Variants in NBPF14 observed in about 807,000 individuals in gnomAD.
NBPF14 encodes the protein NBPF member 14.
A neutral mutation model predicts 91.2 loss-of-function variants in NBPF14; 104 were observed. The observed-to-expected ratio is 1.14, with a 90% CI of 0.97 to 1.34. The LOEUF is 1.34. Among genes scored for constraint, NBPF14 ranks in the 40% most tolerant of loss-of-function variants. NBPF14 has a pLI of 0.00. For missense variants in NBPF14, 908 were observed against 783.0 expected (o/e 1.16, Z -1.91); for synonymous variants, 294 against 303.8 (o/e 0.97, Z 0.34).
exon 71 of NBPF14, chr1:148,532,370 G>A (rs1419161358): frequency 6.7e-5 from 11 of 165,114 alleles, no homozygotes; most frequent in Non-Finnish European, 1.2e-4. Context: ...ATGGAATAGA[G>A]AGGAGCAGGG....
chr1:148,533,547 T>C (rs1350785084), intron 70 of NBPF14, among the ~76,000 whole-genome samples: 1 of 150,020 alleles, frequency 6.7e-6, no homozygotes, highest in Non-Finnish European at 1.5e-5. Flanking sequence ...GTTAGTGCCC[T>C]CATGACACAC....
At chr1:148,555,430 G>GA (rs1656564822) in intron 42 of NBPF14, among the ~76,000 whole-genome samples, 178 bp from the exon 43 acceptor site, 1 of 89,282 alleles carries the variant, frequency 1.1e-5, no homozygotes, top group African/African-American at 3.0e-5. Context: ...AGAAAACAAT[G>GA]AAAGAGAAAG....
intron 9 of NBPF14, among the ~76,000 whole-genome samples, chr1:148,585,434 T>A (rs1285195046): frequency 6.6e-6 from 1 of 151,844 alleles, no homozygotes; most frequent in African/African-American, 2.4e-5. Flanking sequence ...GGCCAAATAT[T>A]GAAAAGACCT....
intron 11 of NBPF14, among the ~76,000 whole-genome samples, chr1:148,584,185 G>A (rs1417286036): frequency 0.071 from 9,550 of 134,360 alleles, no homozygotes; most frequent in African/African-American, 0.22. Flanking sequence ...GATGACAAGA[G>A]ATACTGAATC....
rs1553332651 is a variant in NBPF14, at chr1:148,534,956, A to T, written c.8442-100T>A. 1.7e-5 allele frequency: 13 copies of T among 744,406 alleles called. 1 individual carries two copies. The highest frequency in any genetic ancestry group is 3.6e-4 in the Middle Eastern group (1 of 2,792). 46.1% of individuals were successfully genotyped at this position (744,406 alleles called of 1,614,324 possible). A position where few individuals can be genotyped will look rare whatever the true frequency, so the allele number is the denominator to read the frequency against. On this transcript the variant is annotated intron_variant, in intron 68 of 70. Coordinates refer to ENST00000619423, the Ensembl canonical transcript of NBPF14. Reference sequence around the variant, plus strand: ...CTAACATAAGGAACAGTTTAAAAAGAAAAAGGACAGATCCATTAATGAGGT... The same window carrying T: ...CTAACATAAGGAACAGTTTAAAAAGTAAAAGGACAGATCCATTAATGAGGT...
rs1380765600 is a variant in NBPF14 at position 148,559,831 on chromosome 1, A to T, written c.4691T>A (p.Leu1564Ter). The T allele has an allele frequency of 2.5e-5, 39 of 1,533,862 alleles. No individual in the cohort carries two copies. Among genetic ancestry groups the T allele is most frequent in the Non-Finnish European group, 3.1e-5 (35 of 1,146,424 alleles). ...AGCCAAGCCAACACGCTGCTGCTCC[A>T]ATATGTAAAAGGCACTTCTATAGGG... is the stretch of plus-strand genomic sequence containing the variant. The change falls in exon 37 of 71, where the codon TTG (leucine) becomes TAG (stop). Residue 1564 changes from leucine to a stop codon, truncating the protein, a stop_gained. Coordinates refer to ENST00000619423, the Ensembl canonical transcript of NBPF14. LOFTEE classifies it high-confidence loss of function.
intron 14 of NBPF14, among the ~76,000 whole-genome samples, chr1:148,577,657 GCT>G (rs1413304103): frequency 6.7e-6 from 1 of 148,568 alleles, no homozygotes; most frequent in African/African-American, 2.6e-5. Context: ...CTGTATTTGT[GCT>G]CTCAGGACAC....
intron 37 of NBPF14, among the ~76,000 whole-genome samples, chr1:148,559,428 T>A (rs1481949898): frequency 7.5e-6 from 1 of 133,792 alleles, no homozygotes; most frequent in Admixed American, 7.3e-5. Context: ...AATACTCAGA[T>A]TGTTCATGGT....
At chr1:148,535,185 T>G (rs1654870644) in intron 68 of NBPF14, among the ~76,000 whole-genome samples, 1 of 149,866 alleles carries the variant, frequency 6.7e-6, no homozygotes, top group Non-Finnish European at 1.5e-5. Flanking sequence ...AAGAGGGGGC[T>G]CAATAATTTT....
intron 6 of NBPF14, among the ~76,000 whole-genome samples, chr1:148,589,881 A>C (rs1662166404): frequency 1.4e-5 from 2 of 147,590 alleles, no homozygotes; most frequent in African/African-American, 4.9e-5. Context: ...TACAAGCGCC[A>C]AGTAACATGC....
exon 17 of NBPF14, chr1:148,575,752 C>T: frequency 7.1e-6 from 2 of 281,288 alleles, no homozygotes. Flanking sequence ...CGAATAACAT[C>T]TATCCAGTGA....
chr1:148,578,927 C>T, intron 13 of NBPF14, 147 bp downstream of exon 13: 2 of 689,204 alleles, frequency 2.9e-6, no homozygotes, highest in Admixed American at 4.1e-5. Context: ...GACTTGACTC[C>T]AGAGTGACTG....
chr1:148,562,182 C>G (rs2149511094), intron 34 of NBPF14, 54 bp downstream of exon 34: 1 of 170,904 alleles, frequency 5.9e-6, no homozygotes, highest in East Asian at 1.7e-4. Flanking sequence ...TTTCCCTGAA[C>G]CAGGAGTCTC....
chr1:148,559,860 G>T lies in NBPF14; in HGVS notation c.4662C>A (p.Cys1554Ter). ...TGTAAAAGGCACTTCTATAGGGCTG[G>T]CATGAGTCAGTCAGTTCAAGACAAC... The change falls in exon 37 of 71, where the codon TGC becomes TGA. Residue 1554 changes from cysteine to a stop codon, truncating the protein, a stop_gained. Transcript: ENST00000619423. LOFTEE classifies it high-confidence loss of function. 1 of 1,498,032 alleles carries T rather than the reference G, an allele frequency of 6.7e-7. No individual in the cohort carries two copies. Among genetic ancestry groups the T allele is most frequent in the South Asian group, 1.2e-5 (1 of 81,224 alleles). The allele number at this position is 1,498,032 out of a possible 1,614,324, so 92.8% of individuals were successfully genotyped here.
At position 148,560,005 on chromosome 1, in the gene NBPF14, A is replaced by T. The variant is rs1333477196; in HGVS notation, c.4557-40T>A. ...AAAAGTAAAGAATAAGCCAGGGGGAATCAGAAACCACACAGCCCCAGCTAG... is the reference window on the plus strand; with the variant it reads ...AAAAGTAAAGAATAAGCCAGGGGGATTCAGAAACCACACAGCCCCAGCTAG... On this transcript the variant is annotated intron_variant, in intron 36 of 70. Transcript: ENST00000619423. 8 of 821,786 alleles carry T rather than the reference A, an allele frequency of 9.7e-6. No individual in the cohort carries two copies. In the Admixed American group the frequency reaches 1.3e-4, roughly 13 times the overall value. The allele number at this position is 821,786 out of a possible 1,614,324, so 50.9% of individuals were successfully genotyped here.
chr1:148,579,764 C>T (rs1433507535), intron 12 of NBPF14, among the ~76,000 whole-genome samples: 1 of 152,140 alleles, frequency 6.6e-6, no homozygotes, highest in Non-Finnish European at 1.5e-5. Flanking sequence ...TGGATTTAGA[C>T]ACATGGGAGA....
chr1:148,592,187 CACTT>C (rs1662612069), intron 4 of NBPF14, among the ~76,000 whole-genome samples: 1 of 143,212 alleles, frequency 7.0e-6, no homozygotes, highest in African/African-American at 2.5e-5. Context: ...CACTCACTGA[CACTT>C]ACTAAGAACA....
intron 3 of NBPF14, among the ~76,000 whole-genome samples, 195 bp from the exon 4 acceptor site, chr1:148,592,961 C>T (rs1662739157): frequency 7.1e-6 from 1 of 139,932 alleles, no homozygotes; most frequent in African/African-American, 2.7e-5. Flanking sequence ...TCAGAGAGGG[C>T]TCCTGCAAGA....
At chr1:148,559,863 T>C (rs1270843873) in exon 37 of NBPF14, 4 of 1,492,514 alleles carry the variant, frequency 2.7e-6, no homozygotes, top group African/African-American at 2.0e-5. Context: ...AGGGCTGGCA[T>C]GAGTCAGTCA....
Sources: gnomAD v4.1 joint callset for allele counts (sites outside exome capture counted in the v4.1 genomes callset) on GRCh38, gnomAD v4.1.1 for gene constraint, MANE v1.5 for transcripts, NCBI Gene and HGNC (gene_info 2026-07-23, HGNC 2026-07-21) for gene names.